The following SGCZ variants were observed in gnomAD, a reference collection of about 807,000 sequenced individuals.
SGCZ encodes the protein sarcoglycan zeta.
Under a neutral mutation model 41.3 loss-of-function variants are expected in SGCZ, and 40 were observed. That is an observed-to-expected ratio of 0.97 (90% CI 0.75 to 1.26). The LOEUF (loss-of-function observed/expected upper bound fraction) is 1.26. Among genes scored for constraint, SGCZ ranks in the 50% most tolerant of loss-of-function variants. The pLI is 0.00. For missense variants in SGCZ, 552 were observed against 369.8 expected (o/e 1.49, Z -4.04); for synonymous variants, 206 against 137.5 (o/e 1.50, Z -3.49).
chr8:14,656,731 CAGCTTCAACTGAA>C (rs1033141551), intron 1 of SGCZ, among the ~76,000 whole-genome samples: 3 of 151,482 alleles, frequency 2.0e-5, no homozygotes, highest in Non-Finnish European at 4.4e-5. Flanking sequence ...AGTTTGCTAA[CAGCTTCAACTGAA>C]AGTTTGGGAT....
chr8:14,437,231 G>A (rs1800119010), intron 2 of SGCZ, among the ~76,000 whole-genome samples: 2 of 152,064 alleles, frequency 1.3e-5, no homozygotes, highest in Admixed American at 6.6e-5. Context: ...AAGCAAGACA[G>A]ACCAACGGAT....
chr8:15,021,832 A>G (rs908530144), intron 1 of SGCZ, among the ~76,000 whole-genome samples: 1 of 152,112 alleles, frequency 6.6e-6, no homozygotes, highest in Admixed American at 6.5e-5. Flanking sequence ...GATGTCTCTG[A>G]CCTTCTAGAT....
At chr8:14,466,188 T>A (rs923520989) in intron 2 of SGCZ, among the ~76,000 whole-genome samples, 2 of 152,022 alleles carry the variant, frequency 1.3e-5, no homozygotes. Context: ...CTTTTCTTTA[T>A]CCGAGAATGT....
intron 1 of SGCZ, among the ~76,000 whole-genome samples, chr8:15,042,961 C>T (rs1473640570): frequency 2.0e-5 from 3 of 152,148 alleles, no homozygotes; most frequent in African/African-American, 7.2e-5. Flanking sequence ...CAGTCATAAA[C>T]GGTTTCTCCA....
intron 1 of SGCZ, among the ~76,000 whole-genome samples, chr8:14,813,733 C>T (rs771375306): frequency 2.6e-5 from 4 of 152,166 alleles, no homozygotes; most frequent in East Asian, 3.8e-4. Flanking sequence ...GGGCAGATCA[C>T]CTGAGTTCAA....
chr8:14,277,740 T>G (rs907755697), intron 3 of SGCZ, among the ~76,000 whole-genome samples: 11 of 152,082 alleles, frequency 7.2e-5, no homozygotes, highest in African/African-American at 2.4e-4. Context: ...TCTTCTCTTG[T>G]TTCTTCACCC....
chr8:14,229,774 T>A (rs976777672), intron 4 of SGCZ, among the ~76,000 whole-genome samples: 1 of 152,122 alleles, frequency 6.6e-6, no homozygotes, highest in Non-Finnish European at 1.5e-5. Context: ...AGGTGTTCAC[T>A]GTAATTGCTT....
chr8:14,950,164 C>T (rs1331595945), intron 1 of SGCZ, among the ~76,000 whole-genome samples: 2 of 152,038 alleles, frequency 1.3e-5, no homozygotes, highest in Admixed American at 6.6e-5. Context: ...ATTCCATCTT[C>T]TGGAACATTC....
chr8:14,458,523 G>A lies in SGCZ; in HGVS notation c.234+96209C>T, dbSNP rs1458005803. ...AGTGAGGAAAGAAATTTTAAAAAGG[G>A]AAAGTCAAAAGAAACACCATGTTGG... On this transcript the variant is annotated intron_variant, in intron 2 of 7. Coordinates refer to ENST00000382080, the MANE Select transcript of SGCZ (RefSeq NM_139167.4). 2.0e-5 allele frequency among the ~76,000 whole-genome samples: 3 copies of A among 152,140 alleles called. No homozygotes were observed. In the South Asian group the frequency reaches 6.2e-4, roughly 32 times the overall value.
intron 5 of SGCZ, among the ~76,000 whole-genome samples, chr8:14,151,069 T>C (rs1803693827): frequency 6.6e-6 from 1 of 151,976 alleles, no homozygotes; most frequent in African/African-American, 2.4e-5. Context: ...GGTTATTGAG[T>C]ACAAAAAATA....
chr8:15,100,920 G>A (rs1002990622), intron 1 of SGCZ, among the ~76,000 whole-genome samples: 10 of 151,504 alleles, frequency 6.6e-5, no homozygotes, highest in Non-Finnish European at 1.0e-4. Flanking sequence ...AGGCTGCAGT[G>A]AACCATGACT....
At chr8:14,391,078 T>C (rs1156807392) in intron 2 of SGCZ, among the ~76,000 whole-genome samples, 3 of 152,082 alleles carry the variant, frequency 2.0e-5, no homozygotes, top group African/African-American at 4.8e-5. Flanking sequence ...CACAACTCCA[T>C]AGTAAGTCTC....
intron 2 of SGCZ, among the ~76,000 whole-genome samples, chr8:14,379,735 T>C (rs549854551): frequency 1.1e-4 from 17 of 151,998 alleles, no homozygotes; most frequent in African/African-American, 3.6e-4. Context: ...TATATATATA[T>C]ACATATATAT....
chr8:15,064,138 G>T (rs1805037650), intron 1 of SGCZ, among the ~76,000 whole-genome samples: 1 of 152,052 alleles, frequency 6.6e-6, no homozygotes, highest in Admixed American at 6.6e-5. Flanking sequence ...ATTCCTGGGT[G>T]ATTTTATTTA....
Position 14,936,954 on chromosome 8 carries a change from A to C in SGCZ, c.39+300631T>G, listed in dbSNP as rs200812528. 5.9e-5 allele frequency among the ~76,000 whole-genome samples: 9 copies of C among 152,028 alleles called. No homozygotes were observed. The East Asian group carries it at 1.7e-3, about 29-fold the overall frequency. ...TTAGATTGGAAAAATAAATCCTAAA[A>C]ATTAAAAAACACAATATTTCAAATT... On this transcript the variant is annotated intron_variant, in intron 1 of 7. Coordinates refer to ENST00000382080, the MANE Select transcript of SGCZ (RefSeq NM_139167.4).
chr8:14,447,062 TC>T (rs2117388051), intron 2 of SGCZ, among the ~76,000 whole-genome samples: 1 of 152,296 alleles, frequency 6.6e-6, no homozygotes, highest in South Asian at 2.1e-4. Context: ...TACCACATTT[TC>T]CAGAAAATAT....
rs1404143077 is a variant in SGCZ, at chr8:14,966,665, A to G, written c.39+270920T>C. ...TTCCTTCTGTAAAAGCACCAGATTA[A>G]CAACAAAAAAGAAATGAAATGTAAC... On this transcript the variant is annotated intron_variant, in intron 1 of 7. Transcript: ENST00000382080. Among the ~76,000 whole-genome samples the G allele has an allele frequency of 3.3e-5, 5 of 152,272 alleles. No homozygotes were observed. In the East Asian group the frequency reaches 9.6e-4, roughly 29 times the overall value.
chr8:14,530,890 C>G (rs13281026), intron 2 of SGCZ, among the ~76,000 whole-genome samples: 32,931 of 152,012 alleles, frequency 0.22, 4,359 homozygotes, highest in Non-Finnish European at 0.29. Context: ...ATGGAAAAAT[C>G]CATTGCTTGA....
intron 1 of SGCZ, among the ~76,000 whole-genome samples, chr8:14,658,061 T>A (rs1361413372): frequency 6.6e-6 from 1 of 152,160 alleles, no homozygotes; most frequent in Non-Finnish European, 1.5e-5. Flanking sequence ...TTATAAATGA[T>A]GGACACAACA....
Sources: gnomAD v4.1 joint callset for allele counts (sites outside exome capture counted in the v4.1 genomes callset) on GRCh38, gnomAD v4.1.1 for gene constraint, MANE v1.5 for transcripts, NCBI Gene and HGNC (gene_info 2026-07-23, HGNC 2026-07-21) for gene names.